EPHB1: variants seen among roughly 807,000 people sequenced by gnomAD.
The protein encoded by EPHB1 is ephrin type-B receptor 1.
EPHB1 carries 30 observed loss-of-function variants against 94.4 expected under a neutral mutation model. That is an observed-to-expected ratio of 0.32 (90% CI 0.24 to 0.43). EPHB1 has a LOEUF of 0.43. EPHB1 is among the 20% of genes least tolerant of loss of function. The pLI, the probability that EPHB1 is intolerant of heterozygous loss-of-function variation, is 1.00. For synonymous variants in EPHB1, 522 were observed against 489.1 expected, an observed-to-expected ratio of 1.07 and a Z score of -0.89; for missense variants, 1,055 against 1,308.3, an observed-to-expected ratio of 0.81 and a Z score of 2.99.
chr3:134,873,197 C>T (rs1015921698), intron 1 of EPHB1, among the ~76,000 whole-genome samples: 3 of 152,134 alleles, frequency 2.0e-5, no homozygotes, highest in Admixed American at 6.5e-5. Context: ...AGAGCAAGAG[C>T]GAGAGGTTAT....
At chr3:135,188,737 C>A (rs1391960631) in intron 10 of EPHB1, among the ~76,000 whole-genome samples, 1 of 152,136 alleles carries the variant, frequency 6.6e-6, no homozygotes, top group Non-Finnish European at 1.5e-5. Flanking sequence ...CACTCACTAC[C>A]AATTTTCCTC....
intron 14 of EPHB1, 114 bp downstream of exon 14, chr3:135,248,623 G>T (rs939364299): frequency 9.4e-7 from 1 of 1,061,718 alleles, no homozygotes; most frequent in East Asian, 2.7e-5. Flanking sequence ...TCTAGTTGCA[G>T]TGTGGGCCTT....
chr3:135,202,131 A>G (rs773039675), intron 12 of EPHB1, among the ~76,000 whole-genome samples: 1 of 152,086 alleles, frequency 6.6e-6, no homozygotes, highest in Non-Finnish European at 1.5e-5. Context: ...ATTGCTTCCA[A>G]ATAGCTCTAA....
At chr3:134,822,254 T>C (rs1382412112) in intron 1 of EPHB1, among the ~76,000 whole-genome samples, 2 of 152,134 alleles carry the variant, frequency 1.3e-5, no homozygotes, top group Non-Finnish European at 1.5e-5. Context: ...CCTGTGTTGC[T>C]GTGTCTGAGC....
chr3:134,892,398 G>A (rs2038003167), intron 1 of EPHB1, among the ~76,000 whole-genome samples: 1 of 152,212 alleles, frequency 6.6e-6, no homozygotes, highest in Non-Finnish European at 1.5e-5. Context: ...TGTTTCTGAG[G>A]GATTCCCAGG....
intron 11 of EPHB1, among the ~76,000 whole-genome samples, chr3:135,198,693 G>A (rs986496092): frequency 1.3e-5 from 2 of 152,172 alleles, no homozygotes; most frequent in African/African-American, 2.4e-5. Flanking sequence ...TGACTTGTGA[G>A]CCGTTACTTA....
chr3:134,910,882 G>C (rs1013918659), intron 1 of EPHB1, among the ~76,000 whole-genome samples: 1 of 152,236 alleles, frequency 6.6e-6, no homozygotes, highest in African/African-American at 2.4e-5. Flanking sequence ...CTGTGCAGTT[G>C]ACAGTGGTCA....
At chr3:135,226,811 A>C (rs1454264976) in intron 12 of EPHB1, among the ~76,000 whole-genome samples, 1 of 152,128 alleles carries the variant, frequency 6.6e-6, no homozygotes, top group South Asian at 2.1e-4. Context: ...AAACCGATCC[A>C]TCATTTTCTT....
At chr3:135,007,544 C>G (rs1003541490) in intron 3 of EPHB1, among the ~76,000 whole-genome samples, 4 of 152,172 alleles carry the variant, frequency 2.6e-5, no homozygotes, top group African/African-American at 7.2e-5. Flanking sequence ...AAGGGATGTC[C>G]TTAATTCAGA....
chr3:135,107,155 C>A (rs977189297), intron 4 of EPHB1, among the ~76,000 whole-genome samples: 1 of 152,204 alleles, frequency 6.6e-6, no homozygotes, highest in African/African-American at 2.4e-5. Context: ...CATTTGTGCT[C>A]CTGTCAAATG....
At chr3:134,925,413 G>C (rs2038770575) in intron 1 of EPHB1, among the ~76,000 whole-genome samples, 1 of 152,190 alleles carries the variant, frequency 6.6e-6, no homozygotes, top group Admixed American at 6.5e-5. Flanking sequence ...GCCTAGAAAG[G>C]CTTGAGGAAG....
intron 4 of EPHB1, among the ~76,000 whole-genome samples, chr3:135,126,288 G>A (rs1940203138): frequency 6.6e-6 from 1 of 152,150 alleles, no homozygotes; most frequent in Admixed American, 6.6e-5. Flanking sequence ...TTTCCTGACT[G>A]ATAATACCTA....
intron 9 of EPHB1, among the ~76,000 whole-genome samples, 166 bp from the exon 10 acceptor site, chr3:135,179,694 G>T (rs1942099533): frequency 6.6e-6 from 1 of 152,200 alleles, no homozygotes; most frequent in Non-Finnish European, 1.5e-5. Context: ...CCAGAAGGAA[G>T]GGAGATGAGG....
At chr3:135,242,956 A>G (rs1208178865) in intron 13 of EPHB1, among the ~76,000 whole-genome samples, 1 of 151,826 alleles carries the variant, frequency 6.6e-6, no homozygotes. Context: ...CATGCCTGTA[A>G]TCTCAGCTAC....
In EPHB1 at chr3:135,217,867, G is replaced by C. The variant is rs1474744036; in HGVS notation, c.2346+16178G>C. The stretch of plus-strand genomic sequence containing the variant: ...TAAGAAGTTGCTTCTCAGTCGGGTC[G>C]ATCCATCTGCCTGATAGATTTTGGC... On this transcript the variant is annotated intron_variant, in intron 12 of 15. Coordinates refer to ENST00000398015, the MANE Select transcript of EPHB1 (RefSeq NM_004441.5). Among the ~76,000 whole-genome samples the C allele has an allele frequency of 2.0e-5, 3 of 152,106 alleles. No homozygotes were observed. The East Asian group carries it at 5.8e-4, about 29-fold the overall frequency.
chr3:134,935,747 C>A (rs1419483475), intron 2 of EPHB1, among the ~76,000 whole-genome samples: 1 of 152,094 alleles, frequency 6.6e-6, no homozygotes, highest in Non-Finnish European at 1.5e-5. Flanking sequence ...CCTGGAGACA[C>A]AAGATCAACA....
intron 1 of EPHB1, among the ~76,000 whole-genome samples, chr3:134,806,442 A>C (rs1166382097): frequency 6.6e-6 from 1 of 152,214 alleles, no homozygotes; most frequent in Non-Finnish European, 1.5e-5. Flanking sequence ...AGTGTGAATG[A>C]AAAAGTCTTC....
At chr3:134,854,712 A>G (rs766217680) in intron 1 of EPHB1, among the ~76,000 whole-genome samples, 8 of 152,132 alleles carry the variant, frequency 5.3e-5, no homozygotes, top group Non-Finnish European at 7.3e-5. Context: ...GACTGCTATA[A>G]AATTGAGCTC....
At chr3:134,967,913 C>T (rs1297648748) in intron 3 of EPHB1, among the ~76,000 whole-genome samples, 1 of 152,178 alleles carries the variant, frequency 6.6e-6, no homozygotes, top group South Asian at 2.1e-4. Flanking sequence ...TTCAGGAGTC[C>T]ACACTCAGTG....
Sources: gnomAD v4.1 joint callset for allele counts (sites outside exome capture counted in the v4.1 genomes callset) on GRCh38, gnomAD v4.1.1 for gene constraint, MANE v1.5 for transcripts, NCBI Gene and HGNC (gene_info 2026-07-23, HGNC 2026-07-21) for gene names.